Variants in AKAP13 observed in about 807,000 individuals in gnomAD.
The protein encoded by AKAP13 is A-kinase anchor protein 13.
In AKAP13, 80 loss-of-function variants were observed where a neutral mutation model predicts 264.5. The ratio of observed to expected loss-of-function variants is 0.30; its 90% confidence interval spans 0.25 to 0.36. AKAP13 has a LOEUF of 0.36. Among genes scored for constraint, AKAP13 ranks in the 10% least tolerant of loss-of-function variants. The probability of loss-of-function intolerance (pLI) is 1.00; values close to 1 mark genes in which losing one functional copy is unlikely to be tolerated. For synonymous variants in AKAP13, 1,380 were observed against 1,250.2 expected (o/e 1.10, Z -2.19); for missense variants, 3,712 against 3,435.2 (o/e 1.08, Z -2.01).
chr15:85,741,293 T>C lies in AKAP13; in HGVS notation c.7856T>C (p.Leu2619Pro). ...ERELREREAL[L>P]AQREEEVQQG... ...GAGCTGCGGGAGCGGGAGGCCCTCC[T>C]GGCCCAGCGCGAGGAGGAGGTGCAG... Residue 2619 changes from leucine (L) to proline (P), a missense_variant, in exon 35 of 37, where the codon CTG becomes CCG. Transcript: ENST00000394518. The C allele has an allele frequency of 1.9e-6, 3 of 1,611,358 alleles. No individual in the cohort carries two copies. Among genetic ancestry groups the C allele is most frequent in the Non-Finnish European group, 2.5e-6 (3 of 1,178,924 alleles).
chr15:85,593,183 GC>G lies in AKAP13; in HGVS notation c.4161+7364del, dbSNP rs759583697. Among the ~76,000 whole-genome samples, 28 of 152,100 alleles carry G rather than the reference GC, an allele frequency of 1.8e-4. No individual in the cohort carries two copies. The East Asian group carries it at 4.8e-3, about 26-fold the overall frequency. On this transcript the variant is annotated intron_variant, in intron 8 of 36. Transcript: ENST00000394518. ...AAAAATTAGCAGGGCGTGGTGGTGC[GC>G]CCCTGTAATCCCAGCTACTTGGGAG...
At chr15:85,685,444 T>A (rs975121032) in intron 16 of AKAP13, 1 of 151,252 alleles carries the variant, frequency 6.6e-6, no homozygotes, top group African/African-American at 2.4e-5. Context: ...ATTAAGAGAT[T>A]AAATAAATGT....
Position 85,664,711 on chromosome 15 carries a change from G to T in AKAP13, c.4948G>T (p.Asp1650Tyr). The T allele has an allele frequency of 6.2e-7, 1 of 1,614,062 alleles. No individual in the cohort carries two copies. The highest frequency in any genetic ancestry group is 8.5e-7 in the Non-Finnish European group (1 of 1,179,956). Reference sequence around the variant, plus strand: ...CTCTTTGGTGTCACTTTCAGAAGAGGATCTGGAGTCAGACCAGAGAGAACA... The same window carrying T: ...CTCTTTGGTGTCACTTTCAGAAGAGTATCTGGAGTCAGACCAGAGAGAACA... ...VDSLVSLSEE[D>Y]LESDQREHRM... The change falls in exon 13 of 37, where the codon GAT becomes TAT. Residue 1650 changes from aspartate (D) to tyrosine (Y), a missense_variant. Physicochemically the swap from Asp to Tyr is radical, Grantham distance 160. Around this residue, in one of 3 missense-constraint regions of AKAP13, gnomAD observed 2,759 missense variants for 2,411.7 expected, o/e 1.14. Transcript: ENST00000394518.
intron 1 of AKAP13, among the ~76,000 whole-genome samples, chr15:85,458,789 G>T (rs2074388225): frequency 6.6e-6 from 1 of 152,102 alleles, no homozygotes; most frequent in African/African-American, 2.4e-5. Context: ...AACAGCTTAA[G>T]TTTTCCGTGA....
chr15:85,468,165 A>C (rs1215574492), intron 1 of AKAP13, among the ~76,000 whole-genome samples: 1 of 152,214 alleles, frequency 6.6e-6, no homozygotes, highest in Non-Finnish European at 1.5e-5. Flanking sequence ...ATGAAGACTT[A>C]TTAAGGCTGC....
chr15:85,655,812 G>T (rs557188510), intron 11 of AKAP13, 25 bp downstream of exon 11: 1 of 1,576,042 alleles, frequency 6.3e-7, no homozygotes, highest in Admixed American at 1.8e-5. Context: ...GGTTTGTTTA[G>T]TGTCTCAGTG....
chr15:85,463,948 A>T (rs1008034382), intron 1 of AKAP13, among the ~76,000 whole-genome samples: 1 of 152,058 alleles, frequency 6.6e-6, no homozygotes, highest in African/African-American at 2.4e-5. Flanking sequence ...AGAAATGCAT[A>T]CTTGTATGCT....
At chr15:85,730,973 C>T (rs1220656609) in intron 30 of AKAP13, among the ~76,000 whole-genome samples, 2 of 137,552 alleles carry the variant, frequency 1.5e-5, no homozygotes, top group African/African-American at 5.5e-5. Flanking sequence ...GTTATTCTGA[C>T]TGTTTTTTAA....
chr15:85,431,834 T>C (rs1299152195), intron 1 of AKAP13, among the ~76,000 whole-genome samples: 2 of 152,240 alleles, frequency 1.3e-5, no homozygotes, highest in Non-Finnish European at 2.9e-5. Flanking sequence ...CTTTAGCAGA[T>C]CAACTCTACG....
chr15:85,452,646 T>G (rs2150981732), intron 1 of AKAP13, among the ~76,000 whole-genome samples: 1 of 152,244 alleles, frequency 6.6e-6, no homozygotes, highest in Non-Finnish European at 1.5e-5. Context: ...TCAGGTATCT[T>G]TGGTGTTAAA....
At position 85,540,193 on chromosome 15, in the gene AKAP13, G is replaced by C. The variant is rs374848449; in HGVS notation, c.479-3579G>C. On this transcript the variant is annotated intron_variant, in intron 4 of 36. Coordinates refer to ENST00000394518, the MANE Select transcript of AKAP13 (RefSeq NM_007200.5). ...CCACCAACATGGGCCAAAATATCAC[G>C]TGAGGAAGGGAAGATCGTGGGCAGG... Among the ~76,000 whole-genome samples the C allele has an allele frequency of 2.9e-3, 449 of 152,272 alleles. 2 individuals carry two copies. Among genetic ancestry groups the C allele is most frequent in the African/African-American group, 9.9e-3 (412 of 41,562 alleles).
intron 1 of AKAP13, among the ~76,000 whole-genome samples, chr15:85,475,510 C>G (rs889609935): frequency 6.6e-6 from 1 of 152,190 alleles, no homozygotes; most frequent in African/African-American, 2.4e-5. Flanking sequence ...ATGAGTTCCT[C>G]TTTCCAGAGG....
At chr15:85,506,123 T>C (rs1261206642) in intron 2 of AKAP13, among the ~76,000 whole-genome samples, 2 of 152,020 alleles carry the variant, frequency 1.3e-5, no homozygotes, top group Non-Finnish European at 2.9e-5. Context: ...ATGGTGAAAC[T>C]CCGTCTCTAC....
At position 85,741,383 on chromosome 15, in the gene AKAP13, A is replaced by G. The variant is rs746050648; in HGVS notation, c.7946A>G (p.Tyr2649Cys). 1.2e-6 allele frequency: 2 copies of G among 1,614,130 alleles called. No homozygotes were observed. The highest frequency in any genetic ancestry group is 1.7e-4 in the Middle Eastern group (1 of 6,046). The stretch of plus-strand genomic sequence containing the variant: ...CAGCAGAAGAAGGGCACATACCAGT[A>G]TGACCTGGAGCGACTGCGTGCTGCC... Reference protein sequence around the residue: ...ELQQKKGTYQYDLERLRAAQK... With the variant: ...ELQQKKGTYQCDLERLRAAQK... The change falls in exon 35 of 37, where the codon TAT becomes TGT. Residue 2649 changes from tyrosine to cysteine, a missense_variant. By Grantham distance (194) the Tyr-to-Cys change is radical. Coordinates refer to ENST00000394518, the MANE Select transcript of AKAP13 (RefSeq NM_007200.5).
At chr15:85,648,455 G>A (rs1041292063) in intron 10 of AKAP13, among the ~76,000 whole-genome samples, 11 of 152,126 alleles carry the variant, frequency 7.2e-5, no homozygotes, top group South Asian at 2.1e-4. Flanking sequence ...ATATTTCGCC[G>A]TCTTATTTTC....
chr15:85,637,235 A>G (rs2082105441), intron 8 of AKAP13, among the ~76,000 whole-genome samples: 1 of 152,114 alleles, frequency 6.6e-6, no homozygotes, highest in Admixed American at 6.5e-5. Flanking sequence ...TTTCTTTCTT[A>G]AATGTTTGGT....
intron 2 of AKAP13, among the ~76,000 whole-genome samples, chr15:85,516,892 A>T (rs1011892047): frequency 2.0e-5 from 3 of 152,338 alleles, no homozygotes; most frequent in Admixed American, 6.5e-5. Context: ...AATAGATACA[A>T]ACTTTCAGGG....
Position 85,727,411 on chromosome 15 carries a change from T to G in AKAP13, c.7035T>G (p.Ser2345Arg). The change falls in exon 29 of 37, where the codon AGT (serine) becomes AGG (arginine). Residue 2345 changes from serine to arginine, a missense_variant. Ser to Arg is a moderately radical substitution (Grantham distance 110). Transcript: ENST00000394518. This position sits in a 1 kb window ranked among gnomAD's most constrained non-coding sequence, Gnocchi z 5.3. The part of the protein sequence containing the change: ...LNRDEDEGIP[S>R]ENEEEKKMLD... Reference sequence around the variant, plus strand: ...GAGATGAAGATGAAGGAATTCCTAGTGAGAATGAGGAAGAAAAGAAAATGT... The same window carrying G: ...GAGATGAAGATGAAGGAATTCCTAGGGAGAATGAGGAAGAAAAGAAAATGT... The G allele has an allele frequency of 6.2e-7, 1 of 1,614,064 alleles. No homozygotes were observed.
chr15:85,509,329 T>A (rs888705571), intron 2 of AKAP13, among the ~76,000 whole-genome samples: 3 of 152,220 alleles, frequency 2.0e-5, no homozygotes, highest in Non-Finnish European at 2.9e-5. Flanking sequence ...TAGTGAGTGC[T>A]AAATAATATT....
Sources: gnomAD v4.1 joint callset for allele counts (sites outside exome capture counted in the v4.1 genomes callset) on GRCh38, gnomAD v4.1.1 for gene constraint, gnomAD v4.1.1 regional missense constraint, Gnocchi (gnomAD v3.1) non-coding constraint, MANE v1.5 for transcripts, NCBI Gene and HGNC (gene_info 2026-07-23, HGNC 2026-07-21) for gene names.